The following ZNF516 variants were observed in gnomAD, a reference collection of about 807,000 sequenced individuals.
ZNF516 encodes the protein zinc finger protein 516.
ZNF516 carries 19 observed loss-of-function variants against 79.7 expected under a neutral mutation model. The ratio of observed to expected loss-of-function variants is 0.24; its 90% CI spans 0.17 to 0.35. The LOEUF is 0.35. Among genes scored for constraint, ZNF516 ranks in the 10% least tolerant of loss-of-function variants. ZNF516 has a pLI of 1.00. For synonymous variants in ZNF516, 877 were observed against 739.5 expected (o/e 1.19, Z -3.02); for missense variants, 1,678 against 1,679.5 (o/e 1.00, Z 0.02).
At chr18:76,370,273 C>T (rs2074680686) in intron 6 of ZNF516, among the ~76,000 whole-genome samples, 2 of 152,226 alleles carry the variant, frequency 1.3e-5, no homozygotes, top group African/African-American at 4.8e-5. Flanking sequence ...TCTATCCCGA[C>T]TTCCTCCTCC....
At position 76,370,610 on chromosome 18, in the gene ZNF516, G is replaced by A; in HGVS notation, c.3365-15C>T. On this transcript the variant is annotated splice_polypyrimidine_tract_variant and intron_variant, in intron 5 of 6. Transcript: ENST00000443185. ...CTCAAACACCACTGTGGGAACAAGG[G>A]GTTTGTTAACAGATCAGCGTGTGAG... 6.3e-7 allele frequency: 1 copy of A among 1,590,438 alleles called. No individual in the cohort carries two copies. The highest frequency in any genetic ancestry group is 1.1e-5 in the South Asian group (1 of 87,276).
intron 2 of ZNF516, 120 bp downstream of exon 2, chr18:76,462,908 G>A (rs1040161341): frequency 6.6e-6 from 1 of 151,446 alleles, no homozygotes; most frequent in African/African-American, 2.4e-5. Context: ...TTCTAGCTAT[G>A]CCAAGAAAAG....
At chr18:76,414,945 C>G (rs1019097136) in intron 3 of ZNF516, among the ~76,000 whole-genome samples, 1 of 152,232 alleles carries the variant, frequency 6.6e-6, no homozygotes, top group Non-Finnish European at 1.5e-5. Context: ...CGCCTGTAAT[C>G]TCAGCACTTT....
chr18:76,370,710 T>A, intron 5 of ZNF516, 115 bp from the exon 6 acceptor site: 1 of 847,286 alleles, frequency 1.2e-6, no homozygotes, highest in Non-Finnish European at 1.7e-6. Context: ...GCGCCTAGCC[T>A]GTGGCTGGAA....
intron 1 of ZNF516, chr18:76,487,890 G>A (rs1331148352): frequency 2.0e-6 from 2 of 979,564 alleles, no homozygotes; most frequent in Non-Finnish European, 2.4e-6. Context: ...GGCCAGTCAG[G>A]TGGAAGGACT....
intron 4 of ZNF516, 91 bp downstream of exon 4, chr18:76,378,764 T>A: frequency 6.7e-7 from 1 of 1,494,062 alleles, no homozygotes; most frequent in Non-Finnish European, 8.9e-7. Context: ...CTCAGGGACA[T>A]GGACAGGCAG....
In ZNF516 at chr18:76,451,744, T is replaced by C. The variant is rs576361509; in HGVS notation, c.-157-8533A>G. On this transcript the variant is annotated intron_variant, in intron 2 of 6. Transcript: ENST00000443185. This position sits in a 1 kb window ranked among gnomAD's most constrained non-coding sequence, Gnocchi z 6.0. ...GGGCTTCACTAGTTACACTGTAGTATTATGAACCATGAATTAAAATACATC... is the reference window on the plus strand; with the variant it reads ...GGGCTTCACTAGTTACACTGTAGTACTATGAACCATGAATTAAAATACATC... Among the ~76,000 whole-genome samples, 3 of 152,314 alleles carry C rather than the reference T, an allele frequency of 2.0e-5. No individual in the cohort carries two copies. The South Asian group carries it at 6.2e-4, about 32-fold the overall frequency.
At chr18:76,496,160 G>A, upstream of ZNF516, 1 of 855,042 alleles carries the variant, frequency 1.2e-6, no homozygotes, top group Non-Finnish European at 1.6e-6. Flanking sequence ...GAGGGCGGGC[G>A]CGCGGGGGCG....
At chr18:76,434,566 G>C (rs1224319219) in intron 3 of ZNF516, among the ~76,000 whole-genome samples, 1 of 152,314 alleles carries the variant, frequency 6.6e-6, no homozygotes, top group Non-Finnish European at 1.5e-5. Flanking sequence ...CTACGTGGCA[G>C]GAAGGAAACT....
intron 1 of ZNF516, among the ~76,000 whole-genome samples, chr18:76,464,523 G>A (rs184902197): frequency 1.4e-4 from 22 of 152,392 alleles, no homozygotes; most frequent in African/African-American, 5.3e-4. Flanking sequence ...TGGAAAGGCA[G>A]GGTGATGCGC....
chr18:76,437,408 T>C (rs1277109526), intron 3 of ZNF516, among the ~76,000 whole-genome samples: 1 of 151,464 alleles, frequency 6.6e-6, no homozygotes, highest in Non-Finnish European at 1.5e-5. Flanking sequence ...GTAGAGCCAT[T>C]TCCTCCTTTA....
Position 76,459,885 on chromosome 18 carries a change from C to T in ZNF516, c.-158+3143G>A, listed in dbSNP as rs1445621578. Among the ~76,000 whole-genome samples, 3 of 152,150 alleles carry T rather than the reference C, an allele frequency of 2.0e-5. No homozygotes were observed. The East Asian group carries it at 5.8e-4, about 29-fold the overall frequency. On this transcript the variant is annotated intron_variant, in intron 2 of 6. Transcript: ENST00000443185. This position sits in a 1 kb window ranked among gnomAD's most constrained non-coding sequence, Gnocchi z 5.0. ...GAACATACTGATGATAAGGAAACGCCGGGTGGGGTCTTTACGTAGGCAGCC... is the reference window on the plus strand; with the variant it reads ...GAACATACTGATGATAAGGAAACGCTGGGTGGGGTCTTTACGTAGGCAGCC...
chr18:76,404,501 G>A (rs2075274733), intron 3 of ZNF516, among the ~76,000 whole-genome samples: 1 of 143,948 alleles, frequency 6.9e-6, no homozygotes. Flanking sequence ...ATGTGTGCAT[G>A]TGTGTGCATG....
chr18:76,489,518 T>C (rs1368461711), intron 1 of ZNF516, among the ~76,000 whole-genome samples: 1 of 151,326 alleles, frequency 6.6e-6, no homozygotes, highest in East Asian at 1.9e-4. Flanking sequence ...GCTTTTCACA[T>C]TGTGACCTGT....
At chr18:76,380,859 T>G (rs924044783) in intron 3 of ZNF516, among the ~76,000 whole-genome samples, 1 of 152,112 alleles carries the variant, frequency 6.6e-6, no homozygotes. Context: ...GCCTCAGCCA[T>G]AGGGCTCCCT....
intron 1 of ZNF516, among the ~76,000 whole-genome samples, chr18:76,484,343 T>C (rs954738748): frequency 3.9e-5 from 6 of 152,248 alleles, no homozygotes; most frequent in African/African-American, 1.4e-4. Context: ...TGATTGTCTA[T>C]ATTAACCTTC....
intron 4 of ZNF516, among the ~76,000 whole-genome samples, chr18:76,377,387 T>C (rs1454581434): frequency 6.6e-6 from 1 of 152,276 alleles, no homozygotes; most frequent in African/African-American, 2.4e-5. Context: ...AGTAAGGCCT[T>C]TGCCAGCAAA....
chr18:76,495,822 GTCAC>G, upstream of ZNF516: 2 of 963,816 alleles, frequency 2.1e-6, no homozygotes, highest in Non-Finnish European at 2.6e-6. Flanking sequence ...GCGTGTGCGT[GTCAC>G]TCAACTTCCT....
chr18:76,417,446 A>G (rs916553540), intron 3 of ZNF516, among the ~76,000 whole-genome samples: 3 of 152,262 alleles, frequency 2.0e-5, no homozygotes, highest in Non-Finnish European at 4.4e-5. Context: ...TTTTTAACCA[A>G]AGATATTTAC....
Sources: allele counts gnomAD v4.1 joint callset (sites outside exome capture counted in the v4.1 genomes callset), GRCh38; gene constraint gnomAD v4.1.1; non-coding constraint Gnocchi (gnomAD v3.1); transcripts MANE v1.5; gene names NCBI Gene and HGNC (gene_info 2026-07-23, HGNC 2026-07-21).